Variants in EDAR observed in about 807,000 individuals in gnomAD.
The protein encoded by EDAR is tumor necrosis factor receptor superfamily member EDAR.
EDAR carries 38 observed loss-of-function variants against 51.3 expected under a neutral mutation model. The ratio of observed to expected loss-of-function variants is 0.74; its 90% CI spans 0.57 to 0.97. The LOEUF is 0.97. EDAR is among the 50% of genes least tolerant of loss of function. The pLI is 0.00. For missense variants in EDAR, 528 were observed against 595.0 expected (o/e 0.89, Z 1.17); for synonymous variants, 227 against 242.1 (o/e 0.94, Z 0.58).
At chr2:108,974,145 T>G (rs574976326) in intron 1 of EDAR, among the ~76,000 whole-genome samples, 1 of 151,018 alleles carries the variant, frequency 6.6e-6, no homozygotes, top group Non-Finnish European at 1.5e-5. Context: ...CTGGCTAACA[T>G]GGTGAAACCC....
chr2:108,982,604 C>T (rs1445797997), intron 1 of EDAR, among the ~76,000 whole-genome samples: 3 of 152,230 alleles, frequency 2.0e-5, no homozygotes, highest in South Asian at 2.1e-4. Flanking sequence ...CCATTTCCCT[C>T]GCACATGCCA....
At chr2:108,918,192 C>G (rs981525966) in intron 5 of EDAR, among the ~76,000 whole-genome samples, 2 of 152,180 alleles carry the variant, frequency 1.3e-5, no homozygotes, top group African/African-American at 4.8e-5. Flanking sequence ...GGGTGGGGCG[C>G]GAGCCCTGGT....
At chr2:108,930,099 C>T (rs201959695) in intron 3 of EDAR, 21 bp downstream of exon 3, 1 of 1,609,640 alleles carries the variant, frequency 6.2e-7, no homozygotes, top group Non-Finnish European at 8.5e-7. Flanking sequence ...GCACCAGGCT[C>T]CAGGAGGGCT....
chr2:108,907,719 C>A, intron 10 of EDAR, 141 bp downstream of exon 10: 1 of 938,910 alleles, frequency 1.1e-6, no homozygotes. Context: ...GTGAACTTGT[C>A]ACTGTCCAGG....
intron 4 of EDAR, among the ~76,000 whole-genome samples, chr2:108,926,351 A>G (rs1697255162): frequency 6.6e-6 from 1 of 152,196 alleles, no homozygotes; most frequent in Non-Finnish European, 1.5e-5. Flanking sequence ...AGCCCAGGAC[A>G]AGAGTCAGTT....
At chr2:108,978,573 GT>G (rs375461267) in intron 1 of EDAR, among the ~76,000 whole-genome samples, 1,602 of 151,676 alleles carry the variant, frequency 0.011, 20 homozygotes, top group Middle Eastern at 0.02. Context: ...CCGAGGAAAA[GT>G]TTTTTTTTCT....
intron 1 of EDAR, among the ~76,000 whole-genome samples, chr2:108,935,974 G>A (rs1384400629): frequency 6.6e-6 from 1 of 152,146 alleles, no homozygotes; most frequent in Non-Finnish European, 1.5e-5. Flanking sequence ...TTGTCATCAC[G>A]GCTGCCTCCA....
At chr2:108,959,985 A>T (rs1407508104) in intron 1 of EDAR, among the ~76,000 whole-genome samples, 1 of 152,218 alleles carries the variant, frequency 6.6e-6, no homozygotes, top group Non-Finnish European at 1.5e-5. Flanking sequence ...AAAACATGCT[A>T]GTCTGCAGCC....
intron 11 of EDAR, among the ~76,000 whole-genome samples, chr2:108,899,805 G>T (rs918313973): frequency 5.9e-5 from 9 of 152,082 alleles, no homozygotes; most frequent in African/African-American, 2.2e-4. Flanking sequence ...GGCCAACATG[G>T]TGAAACCCCG....
intron 6 of EDAR, among the ~76,000 whole-genome samples, chr2:108,912,020 C>G (rs1010410792): frequency 2.0e-5 from 3 of 152,244 alleles, no homozygotes; most frequent in Non-Finnish European, 4.4e-5. Flanking sequence ...TATCCTCGCC[C>G]AGCAGTCCTG....
At chr2:108,974,889 G>T (rs1698296404) in intron 1 of EDAR, among the ~76,000 whole-genome samples, 1 of 152,202 alleles carries the variant, frequency 6.6e-6, no homozygotes. Flanking sequence ...AACACTTGCA[G>T]TCTGCATGCT....
At chr2:108,938,141 A>G (rs1373800556) in intron 1 of EDAR, among the ~76,000 whole-genome samples, 1 of 152,250 alleles carries the variant, frequency 6.6e-6, no homozygotes, top group Non-Finnish European at 1.5e-5. Flanking sequence ...AGAGGCAGGA[A>G]GAGCATGGAA....
intron 5 of EDAR, among the ~76,000 whole-genome samples, chr2:108,917,441 G>A (rs527248926): frequency 2.0e-5 from 3 of 151,378 alleles, no homozygotes; most frequent in South Asian, 2.1e-4. Context: ...AGTGATAAAC[G>A]TTTGAGGTCA....
At chr2:108,941,755 C>T (rs1267546504) in intron 1 of EDAR, among the ~76,000 whole-genome samples, 1 of 152,218 alleles carries the variant, frequency 6.6e-6, no homozygotes, top group Non-Finnish European at 1.5e-5. Context: ...GTATTATGCT[C>T]GCACACAGAA....
intron 1 of EDAR, among the ~76,000 whole-genome samples, chr2:108,957,378 G>A (rs1025884562): frequency 2.0e-5 from 3 of 152,230 alleles, no homozygotes; most frequent in South Asian, 2.1e-4. Flanking sequence ...TTAGGAAGTC[G>A]GGGGCAGGTA....
At chr2:108,948,727 T>C (rs1429953227) in intron 1 of EDAR, among the ~76,000 whole-genome samples, 4 of 152,156 alleles carry the variant, frequency 2.6e-5, no homozygotes, top group Non-Finnish European at 4.4e-5. Context: ...GCTCCCATGA[T>C]CCAACCACCT....
At chr2:108,971,715 T>C (rs768160035) in intron 1 of EDAR, among the ~76,000 whole-genome samples, 14 of 151,618 alleles carry the variant, frequency 9.2e-5, no homozygotes, top group Non-Finnish European at 1.6e-4. Flanking sequence ...TAAAGAGGAG[T>C]TGGCATTAGA....
chr2:108,961,207 G>T (rs1698033395), intron 1 of EDAR, among the ~76,000 whole-genome samples: 1 of 151,818 alleles, frequency 6.6e-6, no homozygotes, highest in Non-Finnish European at 1.5e-5. Context: ...AAAGAAGACT[G>T]ACCATAATTT....
At chr2:108,934,799 C>A (rs1697435126) in intron 1 of EDAR, among the ~76,000 whole-genome samples, 1 of 152,230 alleles carries the variant, frequency 6.6e-6, no homozygotes, top group Non-Finnish European at 1.5e-5. Context: ...ACCTCCCCAC[C>A]TTTCAAACCT....
Sources: allele counts gnomAD v4.1 joint callset (sites outside exome capture counted in the v4.1 genomes callset), GRCh38; gene constraint gnomAD v4.1.1; transcripts MANE v1.5; gene names NCBI Gene and HGNC (gene_info 2026-07-23, HGNC 2026-07-21).